KLRG1: variants seen among roughly 807,000 people sequenced by gnomAD.
The protein encoded by KLRG1 is killer cell lectin-like receptor subfamily G member 1.
KLRG1 carries 16 observed loss-of-function variants against 21.8 expected under a neutral mutation model. The observed-to-expected ratio is 0.73, with a 90% CI of 0.50 to 1.11. The LOEUF is 1.11. KLRG1 is among the 50% of genes most tolerant of loss of function. The probability of loss-of-function intolerance (pLI) is 0.00; values close to 1 mark genes in which losing one functional copy is unlikely to be tolerated. For missense variants in KLRG1, 173 were observed against 218.3 expected, an observed-to-expected ratio of 0.79 and a Z score of 1.31; for synonymous variants, 69 against 75.9, an observed-to-expected ratio of 0.91 and a Z score of 0.47.
chr12:9,089,881 A>G, the KLRG1 span: 116 of 1,577,376 alleles, frequency 7.4e-5, no homozygotes, highest in Non-Finnish European at 6.4e-5. Context: ...TGTGGACTAT[A>G]TATTATTTAG....
chr12:8,975,751 G>A (rs115391935), intron 1 of KLRG1, among the ~76,000 whole-genome samples: 1,650 of 152,114 alleles, frequency 0.011, 24 homozygotes, highest in African/African-American at 0.037. Flanking sequence ...CAGTAGAGAC[G>A]AGGTTTTGCC....
At chr12:8,953,670 G>A (rs1286304554) in intron 1 of KLRG1, among the ~76,000 whole-genome samples, 4 of 152,138 alleles carry the variant, frequency 2.6e-5, no homozygotes, top group Admixed American at 2.6e-4. Context: ...AAATGCAAGG[G>A]AAGTGATACG....
At chr12:9,134,397 T>C in the KLRG1 span, among the ~76,000 whole-genome samples, 1 of 152,202 alleles carries the variant, frequency 6.6e-6, no homozygotes, top group African/African-American at 2.4e-5. Context: ...CTTTTTTCTT[T>C]TAAAAATTTT....
the KLRG1 span, among the ~76,000 whole-genome samples, chr12:9,093,219 T>C: frequency 2.6e-5 from 4 of 152,190 alleles, no homozygotes; most frequent in African/African-American, 9.7e-5. Flanking sequence ...GAAACTTGGC[T>C]AAGAGGATAG....
the KLRG1 span, among the ~76,000 whole-genome samples, chr12:9,069,402 G>C: frequency 1.3e-5 from 2 of 152,102 alleles, no homozygotes. Flanking sequence ...TTGTTGTTGA[G>C]TATGTTGATA....
chr12:9,204,394 A>G, the KLRG1 span, among the ~76,000 whole-genome samples: 1 of 152,236 alleles, frequency 6.6e-6, no homozygotes, highest in African/African-American at 2.4e-5. Flanking sequence ...GATAAACATC[A>G]CTTTGGAATG....
the KLRG1 span, among the ~76,000 whole-genome samples, chr12:9,075,224 T>C: frequency 6.6e-6 from 1 of 152,066 alleles, no homozygotes; most frequent in Non-Finnish European, 1.5e-5. Context: ...AATACAGTAA[T>C]CCTTGAAATA....
At chr12:9,164,764 A>G in the KLRG1 span, among the ~76,000 whole-genome samples, 1 of 152,248 alleles carries the variant, frequency 6.6e-6, no homozygotes, top group African/African-American at 2.4e-5. Flanking sequence ...TATAAGATAA[A>G]TTAAAATTAT....
At chr12:9,043,373 C>T in the KLRG1 span, among the ~76,000 whole-genome samples, 15 of 152,174 alleles carry the variant, frequency 9.9e-5, no homozygotes, top group Middle Eastern at 6.8e-3. Flanking sequence ...CCACCACATC[C>T]GGCTGATATC....
chr12:9,022,319 G>A, the KLRG1 span, among the ~76,000 whole-genome samples: 1 of 152,236 alleles, frequency 6.6e-6, no homozygotes, highest in Middle Eastern at 3.4e-3. Flanking sequence ...CTTGAGCTAC[G>A]ACTTCATGGA....
At chr12:8,980,621 G>A (rs1213021785) in intron 1 of KLRG1, among the ~76,000 whole-genome samples, 1 of 152,194 alleles carries the variant, frequency 6.6e-6, no homozygotes, top group Non-Finnish European at 1.5e-5. Context: ...TAAAGGGTGT[G>A]TCATGGCATT....
chr12:9,003,373 G>T lies in KLRG1; in HGVS notation c.358-5602G>T, dbSNP rs1293234760. 2.6e-5 allele frequency among the ~76,000 whole-genome samples: 4 copies of T among 151,150 alleles called. 1 individual carries two copies. Among genetic ancestry groups the T allele is most frequent in the East Asian group, 1.9e-4 (1 of 5,172 alleles). On this transcript the variant is annotated intron_variant, in intron 3 of 4. Coordinates refer to ENST00000356986, the MANE Select transcript of KLRG1 (RefSeq NM_005810.4). Reference sequence around the variant, plus strand: ...TTCAAATATTTAGCTTACAATTTTTGATTTGAATATACTCAAATTTTATAT... The same window carrying T: ...TTCAAATATTTAGCTTACAATTTTTTATTTGAATATACTCAAATTTTATAT...
the KLRG1 span, chr12:9,169,343 A>T: frequency 3.1e-6 from 4 of 1,276,304 alleles, no homozygotes; most frequent in Non-Finnish European, 3.2e-6. Context: ...AAGGCTACAT[A>T]ATTACTAAGA....
chr12:9,040,118 A>G, the KLRG1 span, among the ~76,000 whole-genome samples: 1 of 152,234 alleles, frequency 6.6e-6, no homozygotes, highest in African/African-American at 2.4e-5. Context: ...AACTTTCTGA[A>G]AAGTAGGAGA....
At chr12:8,955,282 C>A (rs1946270849) in intron 1 of KLRG1, among the ~76,000 whole-genome samples, 1 of 148,172 alleles carries the variant, frequency 6.7e-6, no homozygotes, top group South Asian at 2.2e-4. Flanking sequence ...TATCTGTAAT[C>A]AAAAAATTTA....
At chr12:9,186,543 T>A in the KLRG1 span, among the ~76,000 whole-genome samples, 3 of 151,682 alleles carry the variant, frequency 2.0e-5, no homozygotes, top group South Asian at 4.2e-4. Flanking sequence ...AGGCTCGAGA[T>A]AAAGGAAAGG....
At chr12:9,157,961 C>T in the KLRG1 span, 3 of 832,970 alleles carry the variant, frequency 3.6e-6, no homozygotes, top group Non-Finnish European at 5.8e-6. Context: ...ATTTCCTTCT[C>T]TCTCTCTCTC....
At chr12:9,080,433 A>G in the KLRG1 span, 5 of 263,658 alleles carry the variant, frequency 1.9e-5, no homozygotes, top group Non-Finnish European at 3.6e-5. Flanking sequence ...AACAAATTGT[A>G]AGAGCCTGGT....
the KLRG1 span, among the ~76,000 whole-genome samples, chr12:9,177,948 G>A: frequency 1.3e-5 from 2 of 152,152 alleles, no homozygotes; most frequent in Admixed American, 1.3e-4. Flanking sequence ...ACCAAAGAAA[G>A]CACTCAGAGA....
Sources: gnomAD v4.1 joint callset for allele counts (sites outside exome capture counted in the v4.1 genomes callset) on GRCh38, gnomAD v4.1.1 for gene constraint, MANE v1.5 for transcripts, NCBI Gene and HGNC (gene_info 2026-07-23, HGNC 2026-07-21) for gene names.